IQSEC1: variants seen among roughly 807,000 people sequenced by gnomAD.
IQSEC1 encodes the protein IQ motif and Sec7 domain ArfGEF 1, also known as IQ motif and SEC7 domain-containing protein 1.
IQSEC1 carries 31 observed loss-of-function variants against 91.0 expected under a neutral mutation model. The ratio of observed to expected loss-of-function variants is 0.34; its 90% CI spans 0.26 to 0.46. The LOEUF (loss-of-function observed/expected upper bound fraction) is 0.46, where lower values mean the gene tolerates loss of function less well. Ranked by LOEUF, IQSEC1 falls within the 20% of genes least tolerant of loss-of-function variation. IQSEC1 has a pLI of 1.00. For missense variants in IQSEC1, 1,388 were observed against 1,575.6 expected, an observed-to-expected ratio of 0.88 and a Z score of 2.02; for synonymous variants, 699 against 662.6, an observed-to-expected ratio of 1.05 and a Z score of -0.84.
intron 1 of IQSEC1, among the ~76,000 whole-genome samples, chr3:12,944,127 G>C (rs557749086): frequency 6.6e-6 from 1 of 152,116 alleles, no homozygotes; most frequent in South Asian, 2.1e-4. Context: ...CGGTGGGCTG[G>C]ACTCAATGCC....
At chr3:13,111,397 C>T (rs1031389797) in intron 2 of IQSEC1, among the ~76,000 whole-genome samples, 3 of 152,198 alleles carry the variant, frequency 2.0e-5, no homozygotes, top group African/African-American at 7.2e-5. Context: ...CCCCACCTTC[C>T]TGATGGGGCC....
exon 1 of IQSEC1, among the ~76,000 whole-genome samples, chr3:13,283,168 G>C (rs906750787): frequency 1.4e-5 from 2 of 145,422 alleles, no homozygotes; most frequent in Non-Finnish European, 3.1e-5. Flanking sequence ...CCGCGCCGCC[G>C]CGCTCCGCCG....
chr3:13,237,235 T>A (rs1694946267), intron 1 of IQSEC1, among the ~76,000 whole-genome samples: 1 of 152,206 alleles, frequency 6.6e-6, no homozygotes, highest in Admixed American at 6.5e-5. Flanking sequence ...TCTGTGTGGA[T>A]GGGATGACGC....
chr3:12,908,556 G>A lies in IQSEC1; in HGVS notation c.2579-31C>T. On this transcript the variant is annotated intron_variant, in intron 11 of 13. Transcript: ENST00000613206. The surrounding 1 kb of genome is among the most constrained non-coding windows in gnomAD (Gnocchi z 4.9). The stretch of plus-strand genomic sequence containing the variant: ...ACAGAGAGGGTGAGGGTCCTGGTGA[G>A]AGGAGCACAGCCTAGAGTGGGCAGG... 1 of 1,612,466 alleles carries A rather than the reference G, an allele frequency of 6.2e-7. No individual in the cohort carries two copies.
At chr3:12,991,490 G>A (rs769069586) in intron 1 of IQSEC1, among the ~76,000 whole-genome samples, 4 of 152,182 alleles carry the variant, frequency 2.6e-5, no homozygotes, top group East Asian at 1.9e-4. Flanking sequence ...CCTCTTGCAC[G>A]TGAGAAACAC....
intron 1 of IQSEC1, among the ~76,000 whole-genome samples, chr3:13,167,393 C>T (rs1693517338): frequency 6.6e-6 from 1 of 152,196 alleles, no homozygotes; most frequent in Non-Finnish European, 1.5e-5. Flanking sequence ...AGCTGAGGCT[C>T]AGTTTACCTG....
At chr3:13,149,710 C>T (rs539283078) in intron 2 of IQSEC1, among the ~76,000 whole-genome samples, 9 of 152,122 alleles carry the variant, frequency 5.9e-5, no homozygotes, top group African/African-American at 2.2e-4. Flanking sequence ...GGCAGCTCCG[C>T]CTCCCCCAAC....
intron 1 of IQSEC1, among the ~76,000 whole-genome samples, chr3:13,010,722 T>G (rs1448100785): frequency 6.6e-6 from 1 of 151,926 alleles, no homozygotes; most frequent in Non-Finnish European, 1.5e-5. Flanking sequence ...CAAATACTGG[T>G]TAATAAAACT....
At chr3:13,096,584 C>T (rs184647019) in intron 2 of IQSEC1, among the ~76,000 whole-genome samples, 51 of 152,248 alleles carry the variant, frequency 3.3e-4, no homozygotes, top group African/African-American at 1.2e-3. Context: ...TATATGAGTT[C>T]GCTGTGGCCT....
At chr3:12,915,027 A>G in intron 8 of IQSEC1, 77 bp downstream of exon 8, 1 of 1,456,160 alleles carries the variant, frequency 6.9e-7, no homozygotes, top group East Asian at 2.5e-5. Context: ...GAGCCTGGGG[A>G]GCCGGCGGAC....
intron 1 of IQSEC1, among the ~76,000 whole-genome samples, chr3:13,062,851 A>G (rs751667730): frequency 6.6e-5 from 10 of 152,218 alleles, no homozygotes; most frequent in Non-Finnish European, 1.2e-4. Context: ...TGTCAGGGAC[A>G]TCTTGATGAG....
At chr3:13,279,373 A>G (rs1165551604) in intron 1 of IQSEC1, among the ~76,000 whole-genome samples, 1 of 152,208 alleles carries the variant, frequency 6.6e-6, no homozygotes, top group African/African-American at 2.4e-5. Flanking sequence ...CAGGCATCCC[A>G]TCACTGTATT....
chr3:13,111,722 G>A (rs776354581), intron 2 of IQSEC1, among the ~76,000 whole-genome samples: 2 of 152,092 alleles, frequency 1.3e-5, no homozygotes, highest in Non-Finnish European at 2.9e-5. Flanking sequence ...AGAAAAAGAG[G>A]CATCAAACTT....
chr3:13,079,629 G>A (rs12495872), intron 2 of IQSEC1, among the ~76,000 whole-genome samples: 9,732 of 152,262 alleles, frequency 0.064, 408 homozygotes, highest in Middle Eastern at 0.23. Flanking sequence ...GGGCCCCCAT[G>A]GGGAGGAGCC....
intron 1 of IQSEC1, among the ~76,000 whole-genome samples, chr3:13,030,381 T>G (rs1375360396): frequency 1.3e-5 from 2 of 152,232 alleles, no homozygotes; most frequent in Non-Finnish European, 2.9e-5. Flanking sequence ...ATTATAGGCA[T>G]GAGCCACCAC....
intron 1 of IQSEC1, among the ~76,000 whole-genome samples, chr3:13,255,536 C>CA (rs2125122247): frequency 1.3e-5 from 2 of 152,256 alleles, no homozygotes; most frequent in South Asian, 4.2e-4. Flanking sequence ...TTGTATAATA[C>CA]AAAGGGGCAG....
chr3:13,131,201 C>A (rs1313258726), intron 2 of IQSEC1, among the ~76,000 whole-genome samples: 2 of 151,568 alleles, frequency 1.3e-5, no homozygotes, highest in African/African-American at 4.8e-5. Flanking sequence ...TAAATTGACC[C>A]CTTGATTATG....
At chr3:13,143,498 C>CT (rs1270024013) in intron 2 of IQSEC1, among the ~76,000 whole-genome samples, 1 of 152,232 alleles carries the variant, frequency 6.6e-6, no homozygotes, top group African/African-American at 2.4e-5. Context: ...CTCTCTCAGC[C>CT]ATCACGCCAT....
intron 3 of IQSEC1, among the ~76,000 whole-genome samples, chr3:12,934,024 C>T (rs1697941766): frequency 6.6e-6 from 1 of 152,198 alleles, no homozygotes; most frequent in South Asian, 2.1e-4. Flanking sequence ...GGCACATGGG[C>T]CTGGGTCGAG....
Sources: gnomAD v4.1 joint callset for allele counts (sites outside exome capture counted in the v4.1 genomes callset) on GRCh38, gnomAD v4.1.1 for gene constraint, Gnocchi (gnomAD v3.1) non-coding constraint, MANE v1.5 for transcripts, NCBI Gene and HGNC (gene_info 2026-07-23, HGNC 2026-07-21) for gene names.